Variants in ZNF236 observed in about 807,000 individuals in gnomAD.
ZNF236 encodes regulated by glucose.
A neutral mutation model predicts 191.2 loss-of-function variants in ZNF236; 50 were observed. That is an observed-to-expected ratio of 0.26 (90% CI 0.21 to 0.33). The LOEUF is 0.33. Among genes scored for constraint, ZNF236 ranks in the 10% least tolerant of loss-of-function variants. The pLI, the probability that ZNF236 is intolerant of heterozygous loss-of-function variation, is 1.00. For synonymous variants in ZNF236, 907 were observed against 928.8 expected (o/e 0.98, Z 0.43); for missense variants, 1,754 against 2,374.5 (o/e 0.74, Z 5.43).
intron 5 of ZNF236, among the ~76,000 whole-genome samples, chr18:76,873,982 G>A (rs1355880366): frequency 7.5e-6 from 1 of 133,468 alleles, no homozygotes; most frequent in Non-Finnish European, 1.6e-5. Flanking sequence ...CGCCACACAG[G>A]CAGTGCTGTG....
At chr18:76,844,678 G>A (rs1438105542) in intron 1 of ZNF236, among the ~76,000 whole-genome samples, 1 of 152,096 alleles carries the variant, frequency 6.6e-6, no homozygotes, top group East Asian at 1.9e-4. Flanking sequence ...TGTCATAAGA[G>A]GCCAATTTGA....
chr18:76,891,331 CATT>C lies in ZNF236; in HGVS notation c.1418-3679_1418-3677del, dbSNP rs565273951. ...GGTGATATTTAGACTTCATCACTGACATTATGGAAAGATAACCTCTTCTCTTAT... is the reference window on the plus strand; with the variant it reads ...GGTGATATTTAGACTTCATCACTGACATGGAAAGATAACCTCTTCTCTTAT... On this transcript the variant is annotated intron_variant, in intron 9 of 30. Transcript: ENST00000320610. Among the ~76,000 whole-genome samples the C allele has an allele frequency of 4.9e-4, 75 of 152,200 alleles. No homozygotes were observed. In the Middle Eastern group the frequency reaches 0.017, roughly 35 times the overall value.
At chr18:76,870,667 G>A (rs1179328487) in intron 4 of ZNF236, among the ~76,000 whole-genome samples, 1 of 152,190 alleles carries the variant, frequency 6.6e-6, no homozygotes, top group Admixed American at 6.5e-5. Context: ...GGAGGCAGCT[G>A]TTGTGCGTGG....
intron 18 of ZNF236, among the ~76,000 whole-genome samples, chr18:76,914,515 C>T (rs76706494): frequency 0.012 from 1,823 of 152,246 alleles, 27 homozygotes; most frequent in African/African-American, 0.041. Context: ...CCCACCGTAG[C>T]GTGGGAGGGC....
At chr18:76,897,546 G>A (rs907752678) in intron 10 of ZNF236, among the ~76,000 whole-genome samples, 1 of 143,832 alleles carries the variant, frequency 7.0e-6, no homozygotes, top group African/African-American at 2.6e-5. Flanking sequence ...TGCACACAGG[G>A]ACCAGTGCTG....
rs1967340998 is a variant in ZNF236 at position 76,915,718 on chromosome 18, G to A, written c.3133G>A (p.Ala1045Thr). The A allele has an allele frequency of 6.2e-7, 1 of 1,614,120 alleles. No homozygotes were observed. Among genetic ancestry groups the A allele is most frequent in the South Asian group, 1.1e-5 (1 of 91,084 alleles). ...CAATGGCAGCCTCACCCGGCACATG[G>A]CCACACATATGAGCATGAAGCCTTA... Reference protein sequence around the residue: ...TTNGSLTRHMATHMSMKPYKC... With the variant: ...TTNGSLTRHMTTHMSMKPYKC... The change falls in exon 19 of 31, where the codon GCC becomes ACC. Residue 1045 changes from alanine to threonine, a missense_variant. By Grantham distance (58) the Ala-to-Thr change is moderately conservative. Coordinates refer to ENST00000320610, the MANE Select transcript of ZNF236 (RefSeq NM_001306089.2).
chr18:76,859,320 T>C (rs1051779791), intron 3 of ZNF236, among the ~76,000 whole-genome samples: 2 of 152,000 alleles, frequency 1.3e-5, no homozygotes, highest in Non-Finnish European at 1.5e-5. Context: ...GCTCCTGGTA[T>C]GTCTTGCACG....
intron 1 of ZNF236, among the ~76,000 whole-genome samples, chr18:76,827,754 C>T (rs1468196561): frequency 6.6e-6 from 1 of 152,176 alleles, no homozygotes; most frequent in Non-Finnish European, 1.5e-5. Context: ...ATCGATGGGG[C>T]AGCATTCATT....
At chr18:76,851,724 T>C (rs1975877974) in intron 2 of ZNF236, 51 bp from the exon 3 acceptor site, 1 of 1,562,468 alleles carries the variant, frequency 6.4e-7, no homozygotes, top group Admixed American at 1.9e-5. Flanking sequence ...TGAACAAGCA[T>C]CTGTGAAAAG....
At chr18:76,909,600 G>A (rs1237890713) in intron 14 of ZNF236, among the ~76,000 whole-genome samples, 2 of 152,184 alleles carry the variant, frequency 1.3e-5, no homozygotes, top group African/African-American at 2.4e-5. Context: ...CAGGTCAACT[G>A]TAGACTGTGT....
intron 1 of ZNF236, among the ~76,000 whole-genome samples, chr18:76,829,478 C>T (rs1975107898): frequency 6.6e-6 from 1 of 152,106 alleles, no homozygotes; most frequent in Admixed American, 6.6e-5. Flanking sequence ...CACCCTCGTG[C>T]TACTACGCCC....
intron 1 of ZNF236, among the ~76,000 whole-genome samples, chr18:76,848,166 G>T (rs1227198379): frequency 1.3e-5 from 2 of 152,166 alleles, no homozygotes; most frequent in Admixed American, 1.3e-4. Context: ...AATGGGAACT[G>T]CAGGCTGTTT....
intron 26 of ZNF236, among the ~76,000 whole-genome samples, chr18:76,938,487 C>G (rs190802622): frequency 1.1e-3 from 164 of 152,354 alleles, no homozygotes; most frequent in Non-Finnish European, 1.9e-3. Flanking sequence ...ATGTTGGCAT[C>G]TAGAGCAGGA....
Position 76,880,025 on chromosome 18 carries a change from G to C in ZNF236, c.985-88G>C. On this transcript the variant is annotated intron_variant, in intron 7 of 30. Coordinates refer to ENST00000320610, the MANE Select transcript of ZNF236 (RefSeq NM_001306089.2). The surrounding 1 kb of genome is among the most constrained non-coding windows in gnomAD (Gnocchi z 5.0). ...TCTTAGATTTTAACACCCTTAAGGA[G>C]GGTATTGCCTGTTTTTTTTTTTTTA... The C allele has an allele frequency of 8.7e-7, 1 of 1,149,726 alleles. No individual in the cohort carries two copies. Among genetic ancestry groups the C allele is most frequent in the Non-Finnish European group, 1.2e-6 (1 of 817,500 alleles). 71.2% of individuals were successfully genotyped at this position (1,149,726 alleles called of 1,614,324 possible).
In ZNF236 at chr18:76,910,208, A is replaced by G. The variant is rs369018174; in HGVS notation, c.2653+39A>G. Reference sequence around the variant, plus strand: ...TTTCAATGAAATTTGTAAGTGAGCTATACTTCAGTTGAATTTAATCTCATG... The same window carrying G: ...TTTCAATGAAATTTGTAAGTGAGCTGTACTTCAGTTGAATTTAATCTCATG... On this transcript the variant is annotated intron_variant, in intron 15 of 30. Transcript: ENST00000320610. 25 of 1,518,850 alleles carry G rather than the reference A, an allele frequency of 1.6e-5. No homozygotes were observed. In the African/African-American group the frequency reaches 2.5e-4, roughly 15 times the overall value. 94.1% of individuals were successfully genotyped at this position (1,518,850 alleles called of 1,614,324 possible).
In ZNF236 at chr18:76,849,761, G is replaced by A. The variant is rs1480227324; in HGVS notation, c.198+93G>A. The stretch of plus-strand genomic sequence containing the variant: ...AGTAAAATCAAAACTTTTAATTTAG[G>A]TTCCTAAATAGTAGAACATTTTATA... On this transcript the variant is annotated intron_variant, in intron 2 of 30. Transcript: ENST00000320610. 2.5e-6 allele frequency: 3 copies of A among 1,216,314 alleles called. No individual in the cohort carries two copies. In the Admixed American group the frequency reaches 1.1e-4, roughly 43 times the overall value. The allele number at this position is 1,216,314 out of a possible 1,614,324, so 75.3% of individuals were successfully genotyped here.
rs1555685782 is a variant in ZNF236 at position 76,843,803 on chromosome 18, A to AAAGAAAAAAAAAAAAAAAAAAAAAAAAAG, written c.56-5720_56-5719insAAAAAAAAAAAAAAAAAAAAAAAAAGAAG. ...AAAAAAAAAAAAAAAAAAAAAAAAAAAAGTAAAGAAGAGACCGGGCGCAGT... is the reference window on the plus strand; with the variant it reads ...AAAAAAAAAAAAAAAAAAAAAAAAAAAAGAAAAAAAAAAAAAAAAAAAAAAAAAGAAGTAAAGAAGAGACCGGGCGCAGT... On this transcript the variant is annotated intron_variant, in intron 1 of 30. Transcript: ENST00000320610. Among the ~76,000 whole-genome samples the AAAGAAAAAAAAAAAAAAAAAAAAAAAAAG allele has an allele frequency of 3.2e-5, 2 of 62,080 alleles. 1 individual carries two copies. Among genetic ancestry groups the AAAGAAAAAAAAAAAAAAAAAAAAAAAAAG allele is most frequent in the Non-Finnish European group, 5.6e-5 (2 of 35,430 alleles). 40.7% of individuals were successfully genotyped at this position (62,080 alleles called of 152,430 possible).
At chr18:76,894,740 G>A (rs1977349874) in intron 9 of ZNF236, among the ~76,000 whole-genome samples, 1 of 152,088 alleles carries the variant, frequency 6.6e-6, no homozygotes, top group Admixed American at 6.5e-5. Flanking sequence ...TCATTGAGAG[G>A]GAGCCAGCTG....
At chr18:76,900,631 C>T (rs929319655) in intron 11 of ZNF236, among the ~76,000 whole-genome samples, 1 of 152,132 alleles carries the variant, frequency 6.6e-6, no homozygotes, top group Non-Finnish European at 1.5e-5. Context: ...GAAACAGATA[C>T]TGCATACTAC....
Sources: allele counts gnomAD v4.1 joint callset (sites outside exome capture counted in the v4.1 genomes callset), GRCh38; gene constraint gnomAD v4.1.1; non-coding constraint Gnocchi (gnomAD v3.1); transcripts MANE v1.5; gene names NCBI Gene and HGNC (gene_info 2026-07-23, HGNC 2026-07-21).